Variants in CWF19L2 observed in about 807,000 individuals in gnomAD.
CWF19L2 encodes the protein CWF19-like protein 2.
In CWF19L2, 98 loss-of-function variants were observed where a neutral mutation model predicts 111.7. The ratio of observed to expected loss-of-function variants is 0.88; its 90% CI spans 0.75 to 1.04. The LOEUF (loss-of-function observed/expected upper bound fraction) is 1.04. CWF19L2 is among the 50% of genes least tolerant of loss of function. CWF19L2 has a pLI of 0.00. For missense variants in CWF19L2, 1,101 were observed against 1,051.4 expected (o/e 1.05, Z -0.65); for synonymous variants, 351 against 342.9 (o/e 1.02, Z -0.26).
At chr11:107,339,812 T>C (rs1027221243) in intron 14 of CWF19L2, among the ~76,000 whole-genome samples, 8 of 151,744 alleles carry the variant, frequency 5.3e-5, no homozygotes, top group Admixed American at 1.3e-4. Context: ...GGATTACAGG[T>C]GTGCACTACC....
chr11:107,395,899 G>A (rs1395104215), intron 10 of CWF19L2, among the ~76,000 whole-genome samples: 2 of 151,910 alleles, frequency 1.3e-5, no homozygotes, highest in African/African-American at 4.8e-5. Flanking sequence ...ACCTGTCACA[G>A]TGTCAAACAA....
chr11:107,352,348 A>G (rs75310019), intron 13 of CWF19L2, among the ~76,000 whole-genome samples: 1,969 of 152,182 alleles, frequency 0.013, 25 homozygotes, highest in South Asian at 0.039. Context: ...GCTCCCCATA[A>G]AGCTGTAAGC....
chr11:107,329,942 G>C lies in CWF19L2; in HGVS notation c.2517C>G (p.His839Gln), dbSNP rs769555047. ...GGFAHVIEDQ[H>Q]KFPHYFGKEI... Reference sequence around the variant, plus strand: ...CCTTTCCAAAGTAATGAGGGAATTTGTGCTGATCTTCAATGACATGGGCAA... The same window carrying C: ...CCTTTCCAAAGTAATGAGGGAATTTCTGCTGATCTTCAATGACATGGGCAA... Residue 839 changes from histidine to glutamine, a missense_variant, in exon 17 of 18, where the codon CAC becomes CAG. Physicochemically the swap from His to Gln is conservative, Grantham distance 24 (BLOSUM62 0). Coordinates refer to ENST00000282251, the MANE Select transcript of CWF19L2 (RefSeq NM_152434.3). 137 of 1,590,972 alleles carry C rather than the reference G, an allele frequency of 8.6e-5. No homozygotes were observed. The African/African-American group carries it at 1.3e-3, about 15-fold the overall frequency.
chr11:107,348,895 C>A, intron 14 of CWF19L2, 42 bp downstream of exon 14: 1 of 1,144,624 alleles, frequency 8.7e-7, no homozygotes, highest in South Asian at 1.4e-5. Flanking sequence ...ACAAAAATTG[C>A]TCATGAGTTT....
At chr11:107,386,611 T>G (rs563413075) in intron 12 of CWF19L2, among the ~76,000 whole-genome samples, 80 of 152,154 alleles carry the variant, frequency 5.3e-4, no homozygotes, top group Non-Finnish European at 1.9e-4. Context: ...CCTCCCTGTC[T>G]CCTGAAACAC....
At chr11:107,383,816 T>C (rs143535874) in intron 12 of CWF19L2, among the ~76,000 whole-genome samples, 10 of 152,330 alleles carry the variant, frequency 6.6e-5, no homozygotes, top group African/African-American at 2.4e-4. Flanking sequence ...AGGGCAGATC[T>C]GAATACTGAG....
At chr11:107,421,701 C>T (rs569254991) in intron 8 of CWF19L2, among the ~76,000 whole-genome samples, 1 of 152,174 alleles carries the variant, frequency 6.6e-6, no homozygotes, top group East Asian at 1.9e-4. Context: ...CAAGACTGAC[C>T]ATTCCAAGTT....
intron 10 of CWF19L2, among the ~76,000 whole-genome samples, chr11:107,401,264 G>A (rs1384563923): frequency 6.6e-6 from 1 of 152,158 alleles, no homozygotes; most frequent in Non-Finnish European, 1.5e-5. Context: ...TTGGTAAAGA[G>A]GAAGTCAAAC....
In CWF19L2 at chr11:107,429,432, G is replaced by T; in HGVS notation, c.800C>A (p.Ser267Ter). The T allele has an allele frequency of 2.6e-6, 4 of 1,555,242 alleles. No homozygotes were observed. Among genetic ancestry groups the T allele is most frequent in the Non-Finnish European group, 3.5e-6 (4 of 1,151,494 alleles). The change falls in exon 8 of 18, where the codon TCA (serine) becomes TAA (stop). Residue 267 changes from serine to a stop codon, truncating the protein, a stop_gained. Transcript: ENST00000282251. LOFTEE classifies it high-confidence loss of function. The part of the protein sequence containing the change: ...ERYGSMEIFQ[S>*]KLEDAEKAAS... ...AGCTTTTTCAGCATCTTCTAATTTTGACTGAAATATTTCCATTGACTACAA... is the reference window on the plus strand; with the variant it reads ...AGCTTTTTCAGCATCTTCTAATTTTTACTGAAATATTTCCATTGACTACAA...
intron 13 of CWF19L2, among the ~76,000 whole-genome samples, chr11:107,352,466 GT>G (rs1460140686): frequency 2.0e-5 from 3 of 152,084 alleles, no homozygotes; most frequent in Non-Finnish European, 4.4e-5. Context: ...TTACCAAGCA[GT>G]TTTTTGTTTC....
intron 3 of CWF19L2, among the ~76,000 whole-genome samples, chr11:107,447,678 C>A (rs888696960): frequency 2.0e-5 from 3 of 152,054 alleles, no homozygotes; most frequent in Admixed American, 6.6e-5. Flanking sequence ...AACTGTATGC[C>A]AAAAGGAAAC....
chr11:107,371,987 G>C (rs768526573), intron 12 of CWF19L2, among the ~76,000 whole-genome samples: 1 of 136,816 alleles, frequency 7.3e-6, no homozygotes, highest in Non-Finnish European at 1.6e-5. Context: ...ACATCAATGG[G>C]AACAACAGAA....
intron 14 of CWF19L2, among the ~76,000 whole-genome samples, chr11:107,342,591 G>GA (rs1265346391): frequency 2.0e-5 from 3 of 151,984 alleles, no homozygotes; most frequent in Admixed American, 6.6e-5. Flanking sequence ...TCTATGCTCT[G>GA]AAAAAAATGT....
At chr11:107,403,828 T>C in intron 10 of CWF19L2, 1 of 826,912 alleles carries the variant, frequency 1.2e-6, no homozygotes, top group African/African-American at 1.7e-5. Context: ...ACCTTTTAAG[T>C]TCATTGTTAA....
chr11:107,427,210 T>C (rs1167062045), intron 8 of CWF19L2, among the ~76,000 whole-genome samples: 1 of 123,044 alleles, frequency 8.1e-6, no homozygotes, highest in Non-Finnish European at 1.7e-5. Context: ...ACAACCACTC[T>C]ACATTCTCAG....
At chr11:107,337,307 G>A (rs1859939826) in intron 14 of CWF19L2, among the ~76,000 whole-genome samples, 1 of 151,744 alleles carries the variant, frequency 6.6e-6, no homozygotes, top group East Asian at 1.9e-4. Flanking sequence ...TCTTCCCAAG[G>A]AACTAAGTAT....
intron 12 of CWF19L2, among the ~76,000 whole-genome samples, chr11:107,384,926 G>A (rs561393516): frequency 6.6e-6 from 1 of 152,238 alleles, no homozygotes; most frequent in African/African-American, 2.4e-5. Flanking sequence ...ATAGGATAAT[G>A]AGCTTTTGGA....
At chr11:107,404,423 C>T (rs1473179387) in intron 10 of CWF19L2, 6 of 777,526 alleles carry the variant, frequency 7.7e-6, no homozygotes, top group Non-Finnish European at 1.4e-5. Flanking sequence ...AATTATAGTA[C>T]CAGAGGATGC....
intron 12 of CWF19L2, among the ~76,000 whole-genome samples, chr11:107,356,995 G>A (rs893569667): frequency 4.6e-5 from 7 of 152,108 alleles, no homozygotes; most frequent in South Asian, 4.1e-4. Flanking sequence ...CCGAAATCAC[G>A]CCATTGCACT....
Sources: allele counts gnomAD v4.1 joint callset (sites outside exome capture counted in the v4.1 genomes callset), GRCh38; gene constraint gnomAD v4.1.1; transcripts MANE v1.5; gene names NCBI Gene and HGNC (gene_info 2026-07-23, HGNC 2026-07-21).